ZNF705B: variants seen among roughly 807,000 people sequenced by gnomAD.
ZNF705B encodes the protein zinc finger protein 705B.
ZNF705B carries 1 observed loss-of-function variant against 10.5 expected under a neutral mutation model. That is an observed-to-expected ratio of 0.10 (90% CI 0.03 to 0.45). The LOEUF (loss-of-function observed/expected upper bound fraction) is 0.45. ZNF705B is among the 20% of genes least tolerant of loss of function. The pLI is 0.97. For synonymous variants in ZNF705B, 4 were observed against 25.4 expected (o/e 0.16, Z 2.53); for missense variants, 14 against 84.0 (o/e 0.17, Z 3.26).
intron 1 of ZNF705B, among the ~76,000 whole-genome samples, chr8:7,929,737 G>A (rs1346844795): frequency 1.7e-5 from 2 of 114,786 alleles, no homozygotes; most frequent in African/African-American, 5.2e-5. Context: ...TTTACTTTGA[G>A]TGGAGTCATT....
At chr8:7,930,498 AATTG>A (rs1461177957) in intron 2 of ZNF705B, 62 bp downstream of exon 2, 2 of 76,894 alleles carry the variant, frequency 2.6e-5, no homozygotes, top group Non-Finnish European at 6.4e-5. Flanking sequence ...ACGTAGGCCA[AATTG>A]ATTGATCAGC....
At chr8:7,929,340 T>TA (rs1304963146) in intron 1 of ZNF705B, among the ~76,000 whole-genome samples, 1 of 121,298 alleles carries the variant, frequency 8.2e-6, no homozygotes, top group Non-Finnish European at 2.0e-5. Flanking sequence ...ATGGAAGAAA[T>TA]AAAAAATGTT....
At chr8:7,937,488 A>C (rs1476926227) in intron 2 of ZNF705B, among the ~76,000 whole-genome samples, 74 of 111,196 alleles carry the variant, frequency 6.7e-4, no homozygotes, top group African/African-American at 1.9e-3. Flanking sequence ...AAACAAAACA[A>C]AACAAAATGT....
intron 1 of ZNF705B, among the ~76,000 whole-genome samples, chr8:7,927,833 C>G (rs2128940746): frequency 6.9e-6 from 1 of 145,476 alleles, no homozygotes; most frequent in Non-Finnish European, 1.5e-5. Flanking sequence ...TGGCTGATTT[C>G]TCTGATGTCT....
chr8:7,935,287 T>G, intron 2 of ZNF705B, among the ~76,000 whole-genome samples: 1 of 142,394 alleles, frequency 7.0e-6, no homozygotes. Flanking sequence ...ATATTAAGAG[T>G]GAAACATTCA....
chr8:7,936,598 T>C (rs1326117550), intron 2 of ZNF705B, among the ~76,000 whole-genome samples: 1 of 120,012 alleles, frequency 8.3e-6, no homozygotes, highest in African/African-American at 2.5e-5. Flanking sequence ...GAGGACTTTA[T>C]TCTAAGCAAA....
chr8:7,940,395 C>T (rs1458789904), intron 2 of ZNF705B, among the ~76,000 whole-genome samples: 1 of 140,470 alleles, frequency 7.1e-6, no homozygotes, highest in Non-Finnish European at 1.6e-5. Context: ...TATCCTTCAC[C>T]TCCCTAAGTC....
intron 2 of ZNF705B, among the ~76,000 whole-genome samples, chr8:7,930,845 T>G (rs1334723745): frequency 1.0e-5 from 1 of 99,018 alleles, no homozygotes; most frequent in Non-Finnish European, 2.5e-5. Context: ...TTATTTTTTT[T>G]GTTTTTTTTT....
intron 2 of ZNF705B, among the ~76,000 whole-genome samples, chr8:7,940,987 G>T (rs1207677643): frequency 6.7e-6 from 1 of 148,860 alleles, no homozygotes; most frequent in Admixed American, 6.7e-5. Context: ...ATGGCTTCCA[G>T]CTCCATTCAT....
At chr8:7,937,398 C>T (rs1276850111) in intron 2 of ZNF705B, among the ~76,000 whole-genome samples, 7 of 105,876 alleles carry the variant, frequency 6.6e-5, no homozygotes, top group African/African-American at 1.6e-4. Context: ...TTGTTGCATC[C>T]CATTTTTGAC....
chr8:7,940,630 A>C (rs1227079390), intron 2 of ZNF705B, among the ~76,000 whole-genome samples: 3 of 144,260 alleles, frequency 2.1e-5, no homozygotes, highest in African/African-American at 2.5e-5. Context: ...CCACCATTCT[A>C]CTCTCTGCTT....
chr8:7,935,185 C>T (rs1819975931), intron 2 of ZNF705B, among the ~76,000 whole-genome samples: 1 of 104,170 alleles, frequency 9.6e-6, no homozygotes, highest in African/African-American at 2.8e-5. Flanking sequence ...TATATCTGTG[C>T]CATTACTTGT....
At chr8:7,928,748 G>GC (rs1819765044) in intron 1 of ZNF705B, among the ~76,000 whole-genome samples, 1 of 6,436 alleles carries the variant, frequency 1.6e-4, no homozygotes, top group South Asian at 0.011. Context: ...TAACCAGGTA[G>GC]CAAAAAAAAA....
chr8:7,935,026 A>G (rs1819970723), intron 2 of ZNF705B, among the ~76,000 whole-genome samples: 1 of 87,550 alleles, frequency 1.1e-5, no homozygotes. Context: ...ACACACACAC[A>G]CACACTCTCT....
chr8:7,926,918 G>A (rs1397034199), intron 1 of ZNF705B, among the ~76,000 whole-genome samples: 1 of 110,856 alleles, frequency 9.0e-6, no homozygotes, highest in East Asian at 2.6e-4. Flanking sequence ...CAAAAGTTTT[G>A]ATTGTGGATA....
intron 2 of ZNF705B, chr8:7,934,719 TG>T: frequency 8.4e-6 from 1 of 118,712 alleles, no homozygotes; most frequent in Non-Finnish European, 1.5e-5. Flanking sequence ...TGTGTGTGTG[TG>T]TTATTTGATT....
chr8:7,929,326 T>A (rs1337357195), intron 1 of ZNF705B, among the ~76,000 whole-genome samples: 2 of 121,656 alleles, frequency 1.6e-5, no homozygotes, highest in Non-Finnish European at 4.0e-5. Flanking sequence ...AACTTTTTTA[T>A]AGAATGGAAG....
At chr8:7,928,429 C>T in intron 1 of ZNF705B, among the ~76,000 whole-genome samples, 1 of 120,666 alleles carries the variant, frequency 8.3e-6, no homozygotes, top group Non-Finnish European at 2.0e-5. Context: ...GTGAGTACCT[C>T]GTCTCTGCTA....
chr8:7,931,451 C>T (rs568590761), intron 2 of ZNF705B, among the ~76,000 whole-genome samples: 1 of 122,010 alleles, frequency 8.2e-6, no homozygotes, highest in South Asian at 2.7e-4. Context: ...GATTAATCCC[C>T]CAGCTCCCAG....
Sources: allele counts gnomAD v4.1 joint callset (sites outside exome capture counted in the v4.1 genomes callset), GRCh38; gene constraint gnomAD v4.1.1; transcripts MANE v1.5; gene names NCBI Gene and HGNC (gene_info 2026-07-23, HGNC 2026-07-21).